PLS1: variants seen among roughly 807,000 people sequenced by gnomAD.
The protein encoded by PLS1 is plastin-1.
A neutral mutation model predicts 73.7 loss-of-function variants in PLS1; 32 were observed. The ratio of observed to expected loss-of-function variants is 0.43; its 90% CI spans 0.33 to 0.58. PLS1 has a LOEUF of 0.58. Ranked by LOEUF, PLS1 falls within the 20% of genes least tolerant of loss-of-function variation. PLS1 has a pLI of 0.04. For synonymous variants in PLS1, 217 were observed against 261.3 expected, an observed-to-expected ratio of 0.83 and a Z score of 1.63; for missense variants, 633 against 740.5, an observed-to-expected ratio of 0.85 and a Z score of 1.68.
chr3:142,647,503 CT>C (rs375387869), intron 1 of PLS1, among the ~76,000 whole-genome samples: 35 of 141,936 alleles, frequency 2.5e-4, no homozygotes, highest in South Asian at 8.9e-4. Flanking sequence ...TTTTTCTTTT[CT>C]TTTTTTTTTT....
chr3:142,641,240 T>C (rs1263667839), intron 1 of PLS1, among the ~76,000 whole-genome samples: 3 of 145,754 alleles, frequency 2.1e-5, no homozygotes, highest in African/African-American at 7.5e-5. Flanking sequence ...AATATCTATA[T>C]ATCTATATAT....
intron 1 of PLS1, among the ~76,000 whole-genome samples, chr3:142,604,779 C>A (rs898642966): frequency 6.6e-6 from 1 of 151,962 alleles, no homozygotes; most frequent in East Asian, 1.9e-4. Flanking sequence ...CTAAAAAATA[C>A]AAATAATTAG....
At chr3:142,705,460 A>G (rs1577915418) in intron 14 of PLS1, among the ~76,000 whole-genome samples, 1 of 152,206 alleles carries the variant, frequency 6.6e-6, no homozygotes, top group Non-Finnish European at 1.5e-5. Flanking sequence ...GTACATACAT[A>G]CCCACTAATT....
Position 142,664,310 on chromosome 3 carries a change from A to G in PLS1, c.70+3A>G. Reference sequence around the variant, plus strand: ...ACAAGAGGCATTTAATAAAATAGGTATGCTTGAGAAAAAGTAAATATGATA... The same window carrying G: ...ACAAGAGGCATTTAATAAAATAGGTGTGCTTGAGAAAAAGTAAATATGATA... On this transcript the variant is annotated splice_donor_region_variant and intron_variant, in intron 2 of 15. Transcript: ENST00000457734. 1 of 1,495,294 alleles carries G rather than the reference A, an allele frequency of 6.7e-7. No homozygotes were observed. The highest frequency in any genetic ancestry group is 9.3e-7 in the Non-Finnish European group (1 of 1,077,144). 92.6% of individuals were successfully genotyped at this position (1,495,294 alleles called of 1,614,324 possible). A position where few individuals can be genotyped will look rare whatever the true frequency, so the allele number is the denominator to read the frequency against.
intron 12 of PLS1, among the ~76,000 whole-genome samples, chr3:142,699,658 T>C (rs1360572005): frequency 6.6e-6 from 1 of 152,156 alleles, no homozygotes; most frequent in Non-Finnish European, 1.5e-5. Flanking sequence ...ATTATATATA[T>C]ACATAATATG....
intron 5 of PLS1, among the ~76,000 whole-genome samples, chr3:142,677,068 C>T (rs899189992): frequency 2.2e-4 from 33 of 152,054 alleles, no homozygotes; most frequent in African/African-American, 7.0e-4. Flanking sequence ...TTCTTTGACT[C>T]TCAGAGAAAT....
intron 1 of PLS1, among the ~76,000 whole-genome samples, chr3:142,655,442 C>T (rs112734445): frequency 4.6e-5 from 7 of 152,164 alleles, no homozygotes; most frequent in Non-Finnish European, 5.9e-5. Context: ...GATCACAAGC[C>T]GGGCACCGTG....
chr3:142,672,584 C>A (rs576820866), intron 4 of PLS1, among the ~76,000 whole-genome samples: 1 of 152,026 alleles, frequency 6.6e-6, no homozygotes, highest in Non-Finnish European at 1.5e-5. Context: ...ACCTCATGAT[C>A]CACCCGCCTT....
intron 2 of PLS1, among the ~76,000 whole-genome samples, chr3:142,666,084 A>G (rs1029864121): frequency 4.6e-5 from 7 of 152,190 alleles, no homozygotes; most frequent in Admixed American, 6.5e-5. Flanking sequence ...CGGCCATCCA[A>G]TGTTATTAGA....
chr3:142,678,917 C>T (rs938759784), intron 6 of PLS1, among the ~76,000 whole-genome samples: 23 of 152,230 alleles, frequency 1.5e-4, no homozygotes, highest in Admixed American at 9.2e-4. Flanking sequence ...TGTTTCTCCA[C>T]ATCCTCTCCA....
At chr3:142,683,709 G>A (rs2037902826) in intron 6 of PLS1, among the ~76,000 whole-genome samples, 1 of 152,108 alleles carries the variant, frequency 6.6e-6, no homozygotes, top group African/African-American at 2.4e-5. Flanking sequence ...ATATCATGTT[G>A]AGTTTGAGGT....
In PLS1 at chr3:142,669,409, T is replaced by C. The variant is rs1295663410; in HGVS notation, c.90T>C (p.Tyr30=). The C allele has an allele frequency of 4.4e-6, 7 of 1,581,476 alleles. No homozygotes were observed. The South Asian group carries it at 5.6e-5, about 13-fold the overall frequency. The change falls in exon 3 of 16, where the codon TAT becomes TAC. Residue 30 remains tyrosine (Y), a synonymous_variant. Transcript: ENST00000457734. ...TTACAGATATTGACAATAGTGGGTA[T>C]GTCAGTGACTATGAACTTCAAGACC... ...FNKIDIDNSG[Y]VSDYELQDLF...
chr3:142,657,541 A>G (rs1011757194), intron 1 of PLS1, among the ~76,000 whole-genome samples: 1 of 152,184 alleles, frequency 6.6e-6, no homozygotes, highest in Admixed American at 6.5e-5. Context: ...GAGCTGGTGT[A>G]CAGTGGCGCG....
In PLS1 at chr3:142,669,560, A is replaced by G. The variant is rs762769853; in HGVS notation, c.234+7A>G. On this transcript the variant is annotated splice_region_variant and intron_variant, in intron 3 of 15. Transcript: ENST00000457734. ...TTTTGAAGAGTTTGTGTCAGTAAGT[A>G]ATCTAATCCTTTCGGGCTACTGATA... 6 of 1,602,800 alleles carry G rather than the reference A, an allele frequency of 3.7e-6. No homozygotes were observed. The African/African-American group carries it at 4.0e-5, about 11-fold the overall frequency.
chr3:142,697,648 G>A (rs2038238904), intron 11 of PLS1, among the ~76,000 whole-genome samples: 1 of 152,096 alleles, frequency 6.6e-6, no homozygotes, highest in African/African-American at 2.4e-5. Context: ...GTCCAATGGT[G>A]GCCAAGGAGT....
intron 1 of PLS1, among the ~76,000 whole-genome samples, chr3:142,610,367 G>A (rs962740969): frequency 6.6e-6 from 1 of 152,136 alleles, no homozygotes; most frequent in African/African-American, 2.4e-5. Flanking sequence ...TAGGTTGAAT[G>A]TGACACTGTG....
intron 10 of PLS1, among the ~76,000 whole-genome samples, chr3:142,691,842 TAAATA>T (rs2038092335): frequency 6.6e-6 from 1 of 152,156 alleles, no homozygotes; most frequent in Non-Finnish European, 1.5e-5. Flanking sequence ...TCTAGGGAAT[TAAATA>T]AAACACAATT....
chr3:142,669,371 TTATAA>T lies in PLS1; in HGVS notation c.71-14_71-10del. Reference sequence around the variant, plus strand: ...TTCAACAAAGATTACAAAATATATTTTATAATATATCTTTACAGATATTGACAATA... The same window carrying T: ...TTCAACAAAGATTACAAAATATATTTTATATCTTTACAGATATTGACAATA... On this transcript the variant is annotated splice_polypyrimidine_tract_variant and intron_variant, in intron 2 of 15. Transcript: ENST00000457734. 1 of 1,387,602 alleles carries T rather than the reference TTATAA, an allele frequency of 7.2e-7. No individual in the cohort carries two copies. Among genetic ancestry groups the T allele is most frequent in the Non-Finnish European group, 1.0e-6 (1 of 1,004,122 alleles). 86.0% of individuals were successfully genotyped at this position (1,387,602 alleles called of 1,614,324 possible). A position where few individuals can be genotyped will look rare whatever the true frequency, so the allele number is the denominator to read the frequency against.
At chr3:142,691,516 C>G (rs7641793) in intron 10 of PLS1, among the ~76,000 whole-genome samples, 1 of 152,006 alleles carries the variant, frequency 6.6e-6, no homozygotes, top group Non-Finnish European at 1.5e-5. Flanking sequence ...CCAACTTGCT[C>G]GCTTTCTTAT....
Sources: allele counts gnomAD v4.1 joint callset (sites outside exome capture counted in the v4.1 genomes callset), GRCh38; gene constraint gnomAD v4.1.1; transcripts MANE v1.5; gene names NCBI Gene and HGNC (gene_info 2026-07-23, HGNC 2026-07-21).